Variants in NCAM2 observed in about 807,000 individuals in gnomAD.
NCAM2 encodes the protein neural cell adhesion molecule 2.
A neutral mutation model predicts 98.1 loss-of-function variants in NCAM2; 30 were observed. The observed-to-expected ratio is 0.31, with a 90% CI of 0.23 to 0.41. NCAM2 has a LOEUF of 0.41. Among genes scored for constraint, NCAM2 ranks in the 10% least tolerant of loss-of-function variants. The pLI is 1.00. For missense variants in NCAM2, 867 were observed against 1,005.8 expected (o/e 0.86, Z 1.87); for synonymous variants, 368 against 342.4 (o/e 1.07, Z -0.83).
intron 1 of NCAM2, among the ~76,000 whole-genome samples, chr21:21,206,109 C>G (rs1359073288): frequency 6.6e-6 from 1 of 152,094 alleles, no homozygotes; most frequent in East Asian, 1.9e-4. Flanking sequence ...TTTAGGACAT[C>G]ATAGGTGATT....
At chr21:21,168,126 T>C (rs2068011026) in intron 1 of NCAM2, among the ~76,000 whole-genome samples, 1 of 152,048 alleles carries the variant, frequency 6.6e-6, no homozygotes, top group Non-Finnish European at 1.5e-5. Flanking sequence ...TGGGACTTAC[T>C]CCGGGTGTGT....
At chr21:21,389,734 T>G (rs1408018578) in intron 9 of NCAM2, among the ~76,000 whole-genome samples, 2 of 152,224 alleles carry the variant, frequency 1.3e-5, no homozygotes, top group African/African-American at 4.8e-5. Context: ...TCTATATTGC[T>G]GCAAATAATA....
chr21:21,380,491 T>C (rs573964805), intron 9 of NCAM2, among the ~76,000 whole-genome samples: 61 of 152,244 alleles, frequency 4.0e-4, no homozygotes, highest in African/African-American at 1.4e-3. Flanking sequence ...GAAATGATTC[T>C]CACTGGGCTA....
chr21:21,192,951 G>A (rs1289223277), intron 1 of NCAM2, among the ~76,000 whole-genome samples: 1 of 152,100 alleles, frequency 6.6e-6, no homozygotes, highest in African/African-American at 2.4e-5. Context: ...CTAGACACAG[G>A]CACACAACTT....
chr21:21,463,625 C>T (rs1227126472), intron 12 of NCAM2: 2 of 152,144 alleles, frequency 1.3e-5, no homozygotes, highest in Non-Finnish European at 2.9e-5. Flanking sequence ...TCGGTCAGTA[C>T]ATGGGTAAGC....
intron 16 of NCAM2, among the ~76,000 whole-genome samples, chr21:21,521,154 CT>C (rs1988995345): frequency 1.3e-5 from 2 of 152,158 alleles, no homozygotes; most frequent in Non-Finnish European, 2.9e-5. Context: ...ATGTTTCCCC[CT>C]GGAAATCCCC....
chr21:21,205,115 C>T (rs1438838388), intron 1 of NCAM2, among the ~76,000 whole-genome samples: 1 of 151,946 alleles, frequency 6.6e-6, no homozygotes, highest in Admixed American at 6.6e-5. Flanking sequence ...AACGGTAAAC[C>T]GTATTCATTT....
At chr21:21,377,573 T>C (rs924717687) in intron 9 of NCAM2, among the ~76,000 whole-genome samples, 1 of 151,954 alleles carries the variant, frequency 6.6e-6, no homozygotes, top group Non-Finnish European at 1.5e-5. Flanking sequence ...TATTTTTGAT[T>C]GGCCAACAAT....
At chr21:21,332,553 T>G (rs2074744098) in intron 6 of NCAM2, among the ~76,000 whole-genome samples, 2 of 152,186 alleles carry the variant, frequency 1.3e-5, no homozygotes, top group Non-Finnish European at 2.9e-5. Flanking sequence ...TTCCCTCATC[T>G]GAGAAGGCCT....
At chr21:21,327,940 G>T (rs2074563605) in intron 6 of NCAM2, among the ~76,000 whole-genome samples, 2 of 152,104 alleles carry the variant, frequency 1.3e-5, no homozygotes, top group African/African-American at 2.4e-5. Flanking sequence ...GACTCTAAAG[G>T]TTCCCCCCTT....
intron 8 of NCAM2, among the ~76,000 whole-genome samples, chr21:21,356,723 G>A (rs774563795): frequency 6.6e-6 from 1 of 152,120 alleles, no homozygotes; most frequent in African/African-American, 2.4e-5. Context: ...AGGCACAGTG[G>A]CTCACGCCTG....
chr21:21,275,977 G>A (rs73318683), intron 1 of NCAM2, among the ~76,000 whole-genome samples: 1,825 of 152,178 alleles, frequency 0.012, 33 homozygotes, highest in African/African-American at 0.042. Context: ...TATTCTAGAT[G>A]AGATGGACCT....
At chr21:21,434,876 G>A (rs1220516050) in intron 12 of NCAM2, among the ~76,000 whole-genome samples, 1 of 152,172 alleles carries the variant, frequency 6.6e-6, no homozygotes, top group Non-Finnish European at 1.5e-5. Context: ...AGGTGAAAGA[G>A]ATCAAATACC....
intron 1 of NCAM2, among the ~76,000 whole-genome samples, chr21:21,078,251 T>C (rs1396159052): frequency 2.0e-5 from 3 of 152,220 alleles, no homozygotes; most frequent in African/African-American, 7.2e-5. Context: ...CTCAGGTATA[T>C]GTGTGCTTTA....
intron 8 of NCAM2, among the ~76,000 whole-genome samples, chr21:21,345,023 A>G (rs975832391): frequency 2.0e-5 from 3 of 152,176 alleles, no homozygotes; most frequent in African/African-American, 7.2e-5. Flanking sequence ...GTCCAAGACT[A>G]TCAAGGCATT....
At chr21:21,385,791 A>G in intron 9 of NCAM2, 3 of 322,970 alleles carry the variant, frequency 9.3e-6, no homozygotes, top group Non-Finnish European at 1.3e-5. Context: ...GAATATCATT[A>G]AGTTTTGTGA....
At chr21:21,518,452 A>G (rs1988833428) in intron 16 of NCAM2, among the ~76,000 whole-genome samples, 1 of 152,090 alleles carries the variant, frequency 6.6e-6, no homozygotes, top group East Asian at 1.9e-4. Context: ...GAATCAATTC[A>G]TTTCCAATAT....
intron 1 of NCAM2, among the ~76,000 whole-genome samples, chr21:21,058,244 C>T (rs1340809349): frequency 2.6e-5 from 4 of 151,314 alleles, no homozygotes; most frequent in African/African-American, 9.7e-5. Context: ...CAGTTTGCTC[C>T]CACTTTCACT....
chr21:21,228,247 T>C (rs1439490644), intron 1 of NCAM2, among the ~76,000 whole-genome samples: 2 of 151,532 alleles, frequency 1.3e-5, no homozygotes, highest in East Asian at 3.9e-4. Context: ...TAGCATCAAA[T>C]GCTAGAGGGG....
Sources: gnomAD v4.1 joint callset for allele counts (sites outside exome capture counted in the v4.1 genomes callset) on GRCh38, gnomAD v4.1.1 for gene constraint, MANE v1.5 for transcripts, NCBI Gene and HGNC (gene_info 2026-07-23, HGNC 2026-07-21) for gene names.